Variants in AP2M1 observed in about 807,000 individuals in gnomAD.
AP2M1 encodes the protein AP-2 complex subunit mu.
A neutral mutation model predicts 54.5 loss-of-function variants in AP2M1; 5 were observed. That is an observed-to-expected ratio of 0.09 (90% CI 0.05 to 0.19). The LOEUF is 0.19. Ranked by LOEUF, AP2M1 falls within the 10% of genes least tolerant of loss-of-function variation. The pLI, the probability that AP2M1 is intolerant of heterozygous loss-of-function variation, is 1.00. For missense variants in AP2M1, 178 were observed against 580.2 expected (o/e 0.31, Z 7.12); for synonymous variants, 186 against 208.2 (o/e 0.89, Z 0.92).
In AP2M1 at chr3:184,182,969, G is replaced by A. The variant is rs1035228686; in HGVS notation, c.1173+101G>A. 3.3e-5 allele frequency: 32 copies of A among 978,930 alleles called. No homozygotes were observed. Among genetic ancestry groups the A allele is most frequent in the Non-Finnish European group, 4.8e-5 (30 of 623,642 alleles). The allele number at this position is 978,930 out of a possible 1,614,324, so 60.6% of individuals were successfully genotyped here. A position where few individuals can be genotyped will look rare whatever the true frequency, so the allele number is the denominator to read the frequency against. On this transcript the variant is annotated intron_variant, in intron 11 of 11. Coordinates refer to ENST00000292807, the MANE Select transcript of AP2M1 (RefSeq NM_004068.4). The surrounding 1 kb of genome is among the most constrained non-coding windows in gnomAD (Gnocchi z 5.5). ...TGCACCTTAGAGGTGAGGAAACTGA[G>A]GCCTAGAAAGAAGAACTGGCTTTAA...
chr3:184,175,203 C>T (rs746336839), intron 1 of AP2M1: 37 of 386,086 alleles, frequency 9.6e-5, no homozygotes, highest in Non-Finnish European at 1.6e-4. Context: ...AGAGGGATAC[C>T]GCTTGGAATC....
chr3:184,184,024 G>A lies in AP2M1; in HGVS notation c.*408G>A, dbSNP rs1715360714. On this transcript the variant is annotated 3_prime_UTR_variant, in exon 12 of 12. Transcript: ENST00000292807. Reference sequence around the variant, plus strand: ...TCAGTCCCTACTCTGCTTTGGGATAGTGTGAGCTTCATTTTGTACACGTGT... The same window carrying A: ...TCAGTCCCTACTCTGCTTTGGGATAATGTGAGCTTCATTTTGTACACGTGT... 5.1e-6 allele frequency: 1 copy of A among 195,328 alleles called. No individual in the cohort carries two copies. Among genetic ancestry groups the A allele is most frequent in the Non-Finnish European group, 1.1e-5 (1 of 91,792 alleles). 12.1% of individuals were successfully genotyped at this position (195,328 alleles called of 1,614,324 possible). A position where few individuals can be genotyped will look rare whatever the true frequency, so the allele number is the denominator to read the frequency against.
chr3:184,182,334 G>A lies in AP2M1; in HGVS notation c.1061+86G>A. On this transcript the variant is annotated intron_variant, in intron 10 of 11. Coordinates refer to ENST00000292807, the MANE Select transcript of AP2M1 (RefSeq NM_004068.4). The surrounding 1 kb of genome is among the most constrained non-coding windows in gnomAD (Gnocchi z 5.5). ...TCAGCTTTGATCCTTCTGAATGAGG[G>A]GCAGGGGAGTGTGCCTGTTTGCTTT... is the stretch of plus-strand genomic sequence containing the variant. 2 of 1,419,972 alleles carry A rather than the reference G, an allele frequency of 1.4e-6. No individual in the cohort carries two copies. The highest frequency in any genetic ancestry group is 1.3e-5 in the South Asian group (1 of 74,788). 88.0% of individuals were successfully genotyped at this position (1,419,972 alleles called of 1,614,324 possible).
rs771068849 is a variant in AP2M1 at position 184,180,297 on chromosome 3, C to T, written c.423+46C>T. 55 of 1,598,618 alleles carry T rather than the reference C, an allele frequency of 3.4e-5. No individual in the cohort carries two copies. Among genetic ancestry groups the T allele is most frequent in the Non-Finnish European group, 4.5e-5 (53 of 1,168,114 alleles). On this transcript the variant is annotated intron_variant, in intron 4 of 11. Coordinates refer to ENST00000292807, the MANE Select transcript of AP2M1 (RefSeq NM_004068.4). The surrounding 1 kb of genome is among the most constrained non-coding windows in gnomAD (Gnocchi z 4.9). ...ATAGTCAGGGTGGAGTCCAATCTCC[C>T]TTCATCTCAGCTGGCCCCTGAGCCT...
intron 1 of AP2M1, 142 bp from the exon 2 acceptor site, chr3:184,176,809 G>A (rs1715088189): frequency 5.5e-6 from 3 of 542,204 alleles, no homozygotes; most frequent in Non-Finnish European, 9.7e-6. Flanking sequence ...CTGGCTGAGG[G>A]GAGGGGCATG....
chr3:184,179,355 G>A, intron 3 of AP2M1: 1 of 553,346 alleles, frequency 1.8e-6, no homozygotes, highest in Non-Finnish European at 3.2e-6. Flanking sequence ...ATCTTCCAAG[G>A]GGCTAGGAAC....
intron 2 of AP2M1, 139 bp downstream of exon 2, chr3:184,177,206 T>A: frequency 1.1e-6 from 1 of 871,064 alleles, no homozygotes; most frequent in Non-Finnish European, 1.7e-6. Context: ...TCAGCTAGTG[T>A]AGCCTGGCTC....
In AP2M1 at chr3:184,178,795, G is replaced by C; in HGVS notation, c.75-62G>C. On this transcript the variant is annotated intron_variant, in intron 2 of 11. Coordinates refer to ENST00000292807, the MANE Select transcript of AP2M1 (RefSeq NM_004068.4). This position sits in a 1 kb window ranked among gnomAD's most constrained non-coding sequence, Gnocchi z 4.9. ...GGTGGGGCTGTTAGCAGCTGTGGTTGATCCTTATGGGGTAAGGTTCACCTG... is the reference window on the plus strand; with the variant it reads ...GGTGGGGCTGTTAGCAGCTGTGGTTCATCCTTATGGGGTAAGGTTCACCTG... 1 of 1,580,646 alleles carries C rather than the reference G, an allele frequency of 6.3e-7. No homozygotes were observed. Among genetic ancestry groups the C allele is most frequent in the African/African-American group, 1.3e-5 (1 of 74,368 alleles).
At chr3:184,179,282 G>A in intron 3 of AP2M1, 160 bp downstream of exon 3, 2 of 886,160 alleles carry the variant, frequency 2.3e-6, no homozygotes. Flanking sequence ...CCCTCAGAAG[G>A]CCAGTTCACA....
Position 184,178,216 on chromosome 3 carries a change from A to C in AP2M1, c.75-641A>C. 6.5e-7 allele frequency: 1 copy of C among 1,536,084 alleles called. No individual in the cohort carries two copies. Among genetic ancestry groups the C allele is most frequent in the Non-Finnish European group, 8.7e-7 (1 of 1,146,876 alleles). ...CTCATCCCATCTCATTGGCTGCCGT[A>C]GCAATAGGTAAGCGGCCTCTCAAGC... On this transcript the variant is annotated intron_variant, in intron 2 of 11. Coordinates refer to ENST00000292807, the MANE Select transcript of AP2M1 (RefSeq NM_004068.4). The surrounding 1 kb of genome is among the most constrained non-coding windows in gnomAD (Gnocchi z 4.9).
Position 184,183,177 on chromosome 3 carries a change from G to T in AP2M1, c.1174-305G>T. 2 of 549,816 alleles carry T rather than the reference G, an allele frequency of 3.6e-6. No individual in the cohort carries two copies. The highest frequency in any genetic ancestry group is 6.5e-6 in the Non-Finnish European group (2 of 307,100). 34.1% of individuals were successfully genotyped at this position (549,816 alleles called of 1,614,324 possible). On this transcript the variant is annotated intron_variant, in intron 11 of 11. Transcript: ENST00000292807. This position sits in a 1 kb window ranked among gnomAD's most constrained non-coding sequence, Gnocchi z 5.7. ...GGATAATGGGCTGACTTTGCTTTGC[G>T]CATGTTAGACATAATTTTCTCCACC...
chr3:184,176,879 C>T, intron 1 of AP2M1, 72 bp from the exon 2 acceptor site: 1 of 1,097,112 alleles, frequency 9.1e-7, no homozygotes, highest in Non-Finnish European at 1.3e-6. Context: ...GCTCCAGTGA[C>T]CTGCACAGCT....
Position 184,181,341 on chromosome 3 carries a change from C to T in AP2M1, c.707+115C>T, listed in dbSNP as rs1715267491. 2.0e-5 allele frequency: 30 copies of T among 1,479,640 alleles called. No homozygotes were observed. Among genetic ancestry groups the T allele is most frequent in the Middle Eastern group, 2.4e-4 (1 of 4,224 alleles). The allele number at this position is 1,479,640 out of a possible 1,614,324, so 91.7% of individuals were successfully genotyped here. ...TCCCACTGTAATTGCAAACTCTGTT[C>T]CTGACGGTAAGCCTGGCTGTTCGCT... On this transcript the variant is annotated intron_variant, in intron 7 of 11. Transcript: ENST00000292807. This position sits in a 1 kb window ranked among gnomAD's most constrained non-coding sequence, Gnocchi z 5.7.
Position 184,181,227 on chromosome 3 carries a change from G to A in AP2M1, c.707+1G>A. On this transcript the variant is annotated splice_donor_variant, in intron 7 of 11. Coordinates refer to ENST00000292807, the MANE Select transcript of AP2M1 (RefSeq NM_004068.4). LOFTEE classifies it high-confidence loss of function. The surrounding 1 kb of genome is among the most constrained non-coding windows in gnomAD (Gnocchi z 5.7). ...GCACAGCTGATGAAACAAGCAAGAG[G>A]TGCCTGAGGCAGGAGAGCTGGTGGG... is the stretch of plus-strand genomic sequence containing the variant. The A allele has an allele frequency of 6.2e-7, 1 of 1,614,000 alleles. No homozygotes were observed. Among genetic ancestry groups the A allele is most frequent in the African/African-American group, 1.3e-5 (1 of 75,066 alleles).
At chr3:184,176,440 G>C (rs1266582678) in intron 1 of AP2M1, among the ~76,000 whole-genome samples, 1 of 152,186 alleles carries the variant, frequency 6.6e-6, no homozygotes, top group Admixed American at 6.5e-5. Flanking sequence ...CTGTGAATTA[G>C]AGTGCCGGAA....
At chr3:184,177,503 C>G (rs757194600) in intron 2 of AP2M1, 1 of 1,517,786 alleles carries the variant, frequency 6.6e-7, no homozygotes, top group Non-Finnish European at 8.8e-7. Context: ...TGTTGAAAGC[C>G]CCTCCAGGCT....
At position 184,174,859 on chromosome 3, in the gene AP2M1, C is replaced by A; in HGVS notation, c.-144C>A. The A allele has an allele frequency of 5.0e-6, 2 of 397,764 alleles. No homozygotes were observed. Among genetic ancestry groups the A allele is most frequent in the Admixed American group, 4.4e-5 (1 of 22,702 alleles). 24.6% of individuals were successfully genotyped at this position (397,764 alleles called of 1,614,324 possible). A position where few individuals can be genotyped will look rare whatever the true frequency, so the allele number is the denominator to read the frequency against. Reference sequence around the variant, plus strand: ...GGGCCGGGGCGGGGCGGCGGCACTGCGGTGAAAGCCGAGGCAGCGGGCAGA... The same window carrying A: ...GGGCCGGGGCGGGGCGGCGGCACTGAGGTGAAAGCCGAGGCAGCGGGCAGA... On this transcript the variant is annotated 5_prime_UTR_variant, in exon 1 of 12. Coordinates refer to ENST00000292807, the MANE Select transcript of AP2M1 (RefSeq NM_004068.4).
In AP2M1 at chr3:184,178,301, A is replaced by G. The variant is rs1715155463; in HGVS notation, c.75-556A>G. The G allele has an allele frequency of 6.7e-7, 1 of 1,482,598 alleles. No homozygotes were observed. 91.8% of individuals were successfully genotyped at this position (1,482,598 alleles called of 1,614,324 possible). On this transcript the variant is annotated intron_variant, in intron 2 of 11. Coordinates refer to ENST00000292807, the MANE Select transcript of AP2M1 (RefSeq NM_004068.4). This position sits in a 1 kb window ranked among gnomAD's most constrained non-coding sequence, Gnocchi z 4.9. ...CCATCGTTTTCCTGCATCCTTTTTC[A>G]TTCCCTCAACTTGCTCTGGAGTTGG...
rs765602148 is a variant in AP2M1 at position 184,181,957 on chromosome 3, G to A, written c.873G>A (p.Pro291=). ...TCATCCTTCCCTTCCGGGTGATCCC[G>A]CTAGTGCGAGAAGTGGGACGCACCA... ...KDIILPFRVI[P]LVREVGRTKL... Residue 291 remains proline (P), a synonymous_variant, in exon 9 of 12, where the codon CCG becomes CCA. Transcript: ENST00000292807. The surrounding 1 kb of genome is among the most constrained non-coding windows in gnomAD (Gnocchi z 5.7). 9 of 1,614,124 alleles carry A rather than the reference G, an allele frequency of 5.6e-6. No individual in the cohort carries two copies. Among genetic ancestry groups the A allele is most frequent in the South Asian group, 3.3e-5 (3 of 91,074 alleles).
Sources: allele counts gnomAD v4.1 joint callset (sites outside exome capture counted in the v4.1 genomes callset), GRCh38; gene constraint gnomAD v4.1.1; non-coding constraint Gnocchi (gnomAD v3.1); transcripts MANE v1.5; gene names NCBI Gene and HGNC (gene_info 2026-07-23, HGNC 2026-07-21).